The following CDON variants were observed in gnomAD, a reference collection of about 807,000 sequenced individuals.
The protein encoded by CDON is cell adhesion associated, oncogene regulated.
In CDON, 73 loss-of-function variants were observed where a neutral mutation model predicts 120.9. The observed-to-expected ratio is 0.60, with a 90% CI of 0.50 to 0.73. The LOEUF (loss-of-function observed/expected upper bound fraction) is 0.73. Among genes scored for constraint, CDON ranks in the 30% least tolerant of loss-of-function variants. The pLI is 0.00. For synonymous variants in CDON, 566 were observed against 573.5 expected (o/e 0.99, Z 0.19); for missense variants, 1,470 against 1,587.3 (o/e 0.93, Z 1.26).
intron 18 of CDON, among the ~76,000 whole-genome samples, chr11:125,972,488 G>C (rs1466641624): frequency 1.3e-5 from 2 of 152,012 alleles, no homozygotes; most frequent in East Asian, 3.9e-4. Context: ...AACCCAGTGA[G>C]GCAAGCGGTC....
chr11:126,063,026 C>G (rs1459338203), upstream of CDON, among the ~76,000 whole-genome samples: 1 of 151,754 alleles, frequency 6.6e-6, no homozygotes, highest in Non-Finnish European at 1.5e-5. Flanking sequence ...CCCGCCGGCC[C>G]GCACCCGGCC....
chr11:125,961,768 T>A lies in CDON; in HGVS notation c.3587A>T (p.Asp1196Val), dbSNP rs1346590838. ...QRTCCQDIVN[D>V]VSSDGSEDPA... Reference sequence around the variant, plus strand: ...ATCTTCTGAGCCATCAGAGCTGACGTCATTTACAATGTCCTGACAGCAGGT... The same window carrying A: ...ATCTTCTGAGCCATCAGAGCTGACGACATTTACAATGTCCTGACAGCAGGT... Residue 1196 changes from aspartate (D) to valine (V), a missense_variant, in exon 19 of 20, where the codon GAC becomes GTC. Asp to Val is a radical substitution (Grantham distance 152, BLOSUM62 -3). Transcript: ENST00000531738. The A allele has an allele frequency of 2.5e-6, 4 of 1,614,182 alleles. No individual in the cohort carries two copies. The South Asian group carries it at 4.4e-5, about 18-fold the overall frequency.
chr11:126,063,163 C>T (rs1030192692), upstream of CDON: 1 of 151,914 alleles, frequency 6.6e-6, no homozygotes, highest in East Asian at 2.0e-4. Context: ...AAGAGAGATA[C>T]CCCAGGGGAG....
chr11:125,993,592 G>C (rs983371805), intron 14 of CDON, among the ~76,000 whole-genome samples: 4 of 152,134 alleles, frequency 2.6e-5, no homozygotes, highest in African/African-American at 9.7e-5. Flanking sequence ...TGAAAAGTGG[G>C]ACAATTTTTC....
rs1305736536 is a variant in CDON at position 125,993,750 on chromosome 11, A to G, written c.2650+534T>C. 2.6e-5 allele frequency among the ~76,000 whole-genome samples: 4 copies of G among 152,346 alleles called. No homozygotes were observed. The South Asian group carries it at 8.3e-4, about 32-fold the overall frequency. On this transcript the variant is annotated intron_variant, in intron 14 of 19. Transcript: ENST00000531738. ...GGTGTAGGCAGGGGCCAGCCAGGTC[A>G]GGTGGGGCCTTCAGGCCATAGGCAA...
intron 8 of CDON, among the ~76,000 whole-genome samples, chr11:126,009,283 T>A (rs1279776542): frequency 6.6e-6 from 1 of 152,244 alleles, no homozygotes; most frequent in African/African-American, 2.4e-5. Flanking sequence ...GGAAATCGTA[T>A]GTGCACATAC....
At chr11:126,019,022 T>A (rs1009598080) in intron 4 of CDON, among the ~76,000 whole-genome samples, 22 of 152,230 alleles carry the variant, frequency 1.4e-4, no homozygotes, top group Non-Finnish European at 4.4e-5. Flanking sequence ...CGGTAGTGAA[T>A]CTCAAAGCAC....
intron 15 of CDON, among the ~76,000 whole-genome samples, chr11:125,986,579 C>A (rs1363906782): frequency 6.6e-6 from 1 of 152,102 alleles, no homozygotes; most frequent in African/African-American, 2.4e-5. Context: ...TCCTGGCTAA[C>A]ACGGTGAAAC....
rs1342369631 is a variant in CDON, at chr11:126,062,800, T to G, written c.-283A>C. On this transcript the variant is annotated 5_prime_UTR_variant, in exon 1 of 20. Transcript: ENST00000531738. Reference sequence around the variant, plus strand: ...GGGCGGGCGGGCGTGGGGTCCCGGGTCTCCTCGCACCTAGCCGCGCGAGCC... The same window carrying G: ...GGGCGGGCGGGCGTGGGGTCCCGGGGCTCCTCGCACCTAGCCGCGCGAGCC... The G allele has an allele frequency of 6.6e-6, 1 of 150,984 alleles. No homozygotes were observed. Among genetic ancestry groups the G allele is most frequent in the Non-Finnish European group, 1.5e-5 (1 of 67,818 alleles). 9.4% of individuals were successfully genotyped at this position (150,984 alleles called of 1,614,324 possible).
chr11:125,968,403 A>G (rs747140137), intron 18 of CDON, among the ~76,000 whole-genome samples: 2 of 152,232 alleles, frequency 1.3e-5, no homozygotes, highest in Non-Finnish European at 2.9e-5. Flanking sequence ...TCAGAGTGAC[A>G]GTGAAGTTTT....
intron 12 of CDON, 141 bp downstream of exon 12, chr11:125,997,066 A>G: frequency 1.4e-6 from 1 of 715,892 alleles, no homozygotes; most frequent in South Asian, 1.5e-5. Flanking sequence ...AGTCTCAGCT[A>G]CTTGGGAGGC....
intron 2 of CDON, 149 bp downstream of exon 2, chr11:126,023,252 C>T (rs571365126): frequency 1.6e-5 from 12 of 764,614 alleles, no homozygotes; most frequent in South Asian, 4.2e-5. Context: ...CTTAATTTAT[C>T]GAGTTTTTAA....
chr11:126,020,991 GA>G (rs5795473), intron 3 of CDON, among the ~76,000 whole-genome samples: 87 of 147,876 alleles, frequency 5.9e-4, no homozygotes, highest in East Asian at 4.6e-3. Flanking sequence ...AGATTATAAA[GA>G]AAAAAAAAAA....
rs1398639032 is a variant in CDON, at chr11:125,984,017, T to C, written c.2850A>G (p.Gly950=). The change falls in exon 16 of 20, where the codon GGA becomes GGG. Residue 950 remains glycine (G), a synonymous_variant. Coordinates refer to ENST00000531738, the MANE Select transcript of CDON (RefSeq NM_001378964.1). ...CAGGGCTGGTTGCAGGCCCCACATT[T>C]CCTCCACTTCCCAAAGAATTTGGAG... ...STPPNSLGSG[G]NVGPATSPAR... 2 of 1,614,048 alleles carry C rather than the reference T, an allele frequency of 1.2e-6. No homozygotes were observed. The highest frequency in any genetic ancestry group is 2.2e-5 in the South Asian group (2 of 91,078).
chr11:125,991,011 T>C (rs1032755229), intron 14 of CDON, among the ~76,000 whole-genome samples: 4 of 152,166 alleles, frequency 2.6e-5, no homozygotes, highest in Admixed American at 6.5e-5. Context: ...TCTTTTTTTG[T>C]AGTCTTGGGT....
intron 1 of CDON, among the ~76,000 whole-genome samples, chr11:126,050,592 G>A (rs562280351): frequency 7.3e-5 from 11 of 150,922 alleles, no homozygotes; most frequent in Non-Finnish European, 1.5e-4. Context: ...AGTTATTTAA[G>A]AAATGATCAT....
At chr11:126,010,977 TA>T (rs780561282) in intron 7 of CDON, 1 of 487,746 alleles carries the variant, frequency 2.1e-6, no homozygotes, top group Non-Finnish European at 4.0e-6. Flanking sequence ...GAAGGTACAC[TA>T]CACATATCTG....
rs1189972015 is a variant in CDON at position 126,005,951 on chromosome 11, T to C, written c.1659A>G (p.Ser553=). Reference sequence around the variant, plus strand: ...CACTGGGATGGACCTTCACCGGAAATGAGCTCAGTAACCCAGTTTCTGAAC... The same window carrying C: ...CACTGGGATGGACCTTCACCGGAAACGAGCTCAGTAACCCAGTTTCTGAAC... ...RDGSETGLLS[S]FPVKVHPSAV... The change falls in exon 9 of 20, where the codon TCA becomes TCG. Residue 553 remains serine (S), a synonymous_variant. Transcript: ENST00000531738. 1 of 1,614,080 alleles carries C rather than the reference T, an allele frequency of 6.2e-7. No individual in the cohort carries two copies. The highest frequency in any genetic ancestry group is 8.5e-7 in the Non-Finnish European group (1 of 1,179,992).
At chr11:125,991,997 C>T (rs966777615) in intron 14 of CDON, among the ~76,000 whole-genome samples, 5 of 152,026 alleles carry the variant, frequency 3.3e-5, no homozygotes, top group Admixed American at 6.6e-5. Context: ...AGTTGGAAAA[C>T]TGTTTATTAG....
Sources: allele counts gnomAD v4.1 joint callset (sites outside exome capture counted in the v4.1 genomes callset), GRCh38; gene constraint gnomAD v4.1.1; transcripts MANE v1.5; gene names NCBI Gene and HGNC (gene_info 2026-07-23, HGNC 2026-07-21).